Variants in B3GALT1 observed in about 807,000 individuals in gnomAD.
B3GALT1 encodes UDP-Gal:betaGlcNAc beta 1,3-galactosyltransferase, polypeptide 1.
In B3GALT1, 10 loss-of-function variants were observed where a neutral mutation model predicts 23.2. That is an observed-to-expected ratio of 0.43 (90% CI 0.27 to 0.73). The LOEUF is 0.73. Ranked by LOEUF, B3GALT1 falls within the 30% of genes least tolerant of loss-of-function variation. The pLI is 0.21. For synonymous variants in B3GALT1, 156 were observed against 141.5 expected (o/e 1.10, Z -0.73); for missense variants, 299 against 405.4 (o/e 0.74, Z 2.25).
At chr2:167,370,794 C>T (rs537407567) in intron 1 of B3GALT1, among the ~76,000 whole-genome samples, 32 of 151,774 alleles carry the variant, frequency 2.1e-4, no homozygotes, top group Non-Finnish European at 4.4e-4. Context: ...GGCATGGTGG[C>T]GGGTGCCTGT....
chr2:167,653,876 A>G (rs1685907912), intron 3 of B3GALT1, among the ~76,000 whole-genome samples: 1 of 152,138 alleles, frequency 6.6e-6, no homozygotes, highest in South Asian at 2.1e-4. Context: ...GCAGCCATCC[A>G]AGGTCCCACC....
intron 3 of B3GALT1, among the ~76,000 whole-genome samples, chr2:167,661,472 A>G (rs1686059375): frequency 6.6e-6 from 1 of 152,052 alleles, no homozygotes; most frequent in African/African-American, 2.4e-5. Context: ...CTAAACTGTT[A>G]TTCAAGAGAA....
At chr2:167,366,143 G>A (rs1697581188) in intron 1 of B3GALT1, among the ~76,000 whole-genome samples, 1 of 152,096 alleles carries the variant, frequency 6.6e-6, no homozygotes, top group Non-Finnish European at 1.5e-5. Context: ...ATTAAAATTG[G>A]CCTAGTATGT....
intron 4 of B3GALT1, among the ~76,000 whole-genome samples, chr2:167,824,801 G>A (rs779709919): frequency 2.6e-5 from 4 of 152,176 alleles, no homozygotes; most frequent in Admixed American, 6.5e-5. Flanking sequence ...ACAGAAGTGG[G>A]GAACCATGAA....
chr2:167,437,946 T>C (rs1254919690), intron 1 of B3GALT1, among the ~76,000 whole-genome samples: 2 of 152,192 alleles, frequency 1.3e-5, no homozygotes. Flanking sequence ...TTGACCCCAA[T>C]GCCAATTCAT....
intron 1 of B3GALT1, among the ~76,000 whole-genome samples, chr2:167,294,143 G>A (rs767046426): frequency 6.6e-6 from 1 of 152,132 alleles, no homozygotes; most frequent in African/African-American, 2.4e-5. Flanking sequence ...GGGCTCCGAC[G>A]CCCGACGGCC....
Position 167,364,924 on chromosome 2 carries a change from A to G in B3GALT1, c.-511+71590A>G, listed in dbSNP as rs148653263. Among the ~76,000 whole-genome samples the G allele has an allele frequency of 5.5e-3, 837 of 152,322 alleles. 5 individuals are homozygous for G. The highest frequency in any genetic ancestry group is 0.019 in the African/African-American group (771 of 41,578). Reference sequence around the variant, plus strand: ...TCTGGGAGTGTTAAATATTGCTTCAATAAACAAAATAGAGGGCCTTAAAGT... The same window carrying G: ...TCTGGGAGTGTTAAATATTGCTTCAGTAAACAAAATAGAGGGCCTTAAAGT... On this transcript the variant is annotated intron_variant, in intron 1 of 4. Coordinates refer to ENST00000392690, the MANE Select transcript of B3GALT1 (RefSeq NM_020981.4).
At chr2:167,310,208 A>G (rs35251879) in intron 1 of B3GALT1, among the ~76,000 whole-genome samples, 2,441 of 151,212 alleles carry the variant, frequency 0.016, 44 homozygotes, top group Non-Finnish European at 0.017. Context: ...ACAATTAATG[A>G]TTTTTTTTTC....
intron 3 of B3GALT1, among the ~76,000 whole-genome samples, chr2:167,700,281 T>C (rs991494311): frequency 2.0e-5 from 3 of 152,166 alleles, no homozygotes; most frequent in African/African-American, 7.2e-5. Context: ...TATTGCCATA[T>C]GACATTTTAT....
chr2:167,506,766 G>A (rs546099114), intron 2 of B3GALT1, among the ~76,000 whole-genome samples: 1 of 108,370 alleles, frequency 9.2e-6, no homozygotes, highest in East Asian at 4.2e-3. Context: ...TGGCCTTCAA[G>A]TATGAGTTGG....
intron 1 of B3GALT1, among the ~76,000 whole-genome samples, chr2:167,481,119 G>A (rs1022991612): frequency 1.3e-5 from 2 of 152,024 alleles, no homozygotes; most frequent in African/African-American, 4.8e-5. Context: ...GACTTACAAG[G>A]GTCAAATTAG....
chr2:167,393,071 A>G (rs1698040989), intron 1 of B3GALT1, among the ~76,000 whole-genome samples: 1 of 152,014 alleles, frequency 6.6e-6, no homozygotes, highest in East Asian at 1.9e-4. Flanking sequence ...CGTCTCTACT[A>G]AAAATACAAA....
chr2:167,799,442 G>C (rs1172563782), intron 3 of B3GALT1, among the ~76,000 whole-genome samples: 2 of 152,046 alleles, frequency 1.3e-5, no homozygotes, highest in Non-Finnish European at 2.9e-5. Flanking sequence ...CATTGCAGTA[G>C]GACATTTTCA....
At chr2:167,723,674 G>T (rs1441055660) in intron 3 of B3GALT1, among the ~76,000 whole-genome samples, 1 of 151,956 alleles carries the variant, frequency 6.6e-6, no homozygotes, top group Non-Finnish European at 1.5e-5. Context: ...GGGACTACAG[G>T]TGCATGCCAC....
intron 3 of B3GALT1, among the ~76,000 whole-genome samples, chr2:167,813,822 T>C (rs1288837007): frequency 6.6e-6 from 1 of 152,210 alleles, no homozygotes; most frequent in Non-Finnish European, 1.5e-5. Context: ...GATAATAGTA[T>C]TTGCATACAG....
intron 2 of B3GALT1, among the ~76,000 whole-genome samples, chr2:167,594,639 A>C (rs1684744878): frequency 6.6e-6 from 1 of 152,182 alleles, no homozygotes; most frequent in South Asian, 2.1e-4. Flanking sequence ...GGGGCCTGGC[A>C]CGGTGGCTCA....
intron 3 of B3GALT1, among the ~76,000 whole-genome samples, chr2:167,799,212 AG>A: frequency 6.6e-6 from 1 of 152,126 alleles, no homozygotes; most frequent in Non-Finnish European, 1.5e-5. Context: ...CAATAGCTTT[AG>A]GGGTACAAGT....
At chr2:167,575,543 C>G (rs999311125) in intron 2 of B3GALT1, among the ~76,000 whole-genome samples, 1 of 151,824 alleles carries the variant, frequency 6.6e-6, no homozygotes, top group African/African-American at 2.4e-5. Context: ...ACTAATCTCA[C>G]ACTCTTCATA....
At chr2:167,702,401 A>G (rs141194353) in intron 3 of B3GALT1, among the ~76,000 whole-genome samples, 11 of 152,356 alleles carry the variant, frequency 7.2e-5, no homozygotes, top group African/African-American at 2.6e-4. Context: ...CTGGATGAGG[A>G]TGATTAAAAT....
Sources: allele counts gnomAD v4.1 joint callset (sites outside exome capture counted in the v4.1 genomes callset), GRCh38; gene constraint gnomAD v4.1.1; transcripts MANE v1.5; gene names NCBI Gene and HGNC (gene_info 2026-07-23, HGNC 2026-07-21).